The following MAGI3 variants were observed in gnomAD, a reference collection of about 807,000 sequenced individuals.
MAGI3 encodes the protein membrane-associated guanylate kinase, WW and PDZ domain-containing protein 3.
A neutral mutation model predicts 121.8 loss-of-function variants in MAGI3; 43 were observed. The ratio of observed to expected loss-of-function variants is 0.35; its 90% CI spans 0.28 to 0.46. The LOEUF (loss-of-function observed/expected upper bound fraction) is 0.46. Among genes scored for constraint, MAGI3 ranks in the 20% least tolerant of loss-of-function variants. MAGI3 has a pLI of 1.00. For missense variants in MAGI3, 1,547 were observed against 1,797.3 expected (o/e 0.86, Z 2.52); for synonymous variants, 553 against 639.3 (o/e 0.86, Z 2.04).
chr1:113,476,110 T>G (rs542443359), intron 1 of MAGI3, among the ~76,000 whole-genome samples: 3,714 of 152,246 alleles, frequency 0.024, 167 homozygotes, highest in African/African-American at 0.085. Context: ...TATTTGATTC[T>G]TTTTTTCTTT....
At chr1:113,557,486 A>G (rs1570857046) in intron 2 of MAGI3, among the ~76,000 whole-genome samples, 1 of 151,966 alleles carries the variant, frequency 6.6e-6, no homozygotes, top group East Asian at 1.9e-4. Context: ...TCCGCTCCTC[A>G]TCTCAGCTGA....
chr1:113,636,808 GT>G (rs1407537894), intron 9 of MAGI3, among the ~76,000 whole-genome samples: 2 of 152,030 alleles, frequency 1.3e-5, no homozygotes, highest in Admixed American at 6.5e-5. Flanking sequence ...TCGTTGATCT[GT>G]CTAATGTTGA....
At chr1:113,526,380 T>C (rs1246220694) in intron 1 of MAGI3, among the ~76,000 whole-genome samples, 3 of 152,192 alleles carry the variant, frequency 2.0e-5, no homozygotes, top group African/African-American at 4.8e-5. Flanking sequence ...TTAATGTAGG[T>C]ATAAAGGTAT....
At chr1:113,402,602 T>A (rs1651465437) in intron 1 of MAGI3, among the ~76,000 whole-genome samples, 1 of 152,050 alleles carries the variant, frequency 6.6e-6, no homozygotes, top group Admixed American at 6.6e-5. Context: ...TGATTTAGAG[T>A]CAGCTGTGCT....
intron 9 of MAGI3, among the ~76,000 whole-genome samples, chr1:113,629,113 G>GT (rs149074216): frequency 5.9e-4 from 88 of 149,832 alleles, no homozygotes; most frequent in South Asian, 1.5e-3. Flanking sequence ...CTTTATTCTT[G>GT]TTTTTTTTTG....
At chr1:113,474,726 C>CT (rs760637142) in intron 1 of MAGI3, among the ~76,000 whole-genome samples, 1 of 152,094 alleles carries the variant, frequency 6.6e-6, no homozygotes, top group Non-Finnish European at 1.5e-5. Context: ...ACTGTGGGCT[C>CT]TTTTTTGGTT....
intron 6 of MAGI3, among the ~76,000 whole-genome samples, chr1:113,600,921 C>G (rs1395441892): frequency 2.6e-5 from 4 of 152,270 alleles, no homozygotes; most frequent in Admixed American, 1.3e-4. Flanking sequence ...CGCCGCCTAT[C>G]TACAACTATC....
At chr1:113,434,493 C>T (rs1653465364) in intron 1 of MAGI3, among the ~76,000 whole-genome samples, 1 of 152,198 alleles carries the variant, frequency 6.6e-6, no homozygotes, top group African/African-American at 2.4e-5. Flanking sequence ...ACTTAGTAAG[C>T]ATTCCCTAAA....
chr1:113,496,739 AT>A (rs141163477), intron 1 of MAGI3, among the ~76,000 whole-genome samples: 3,527 of 152,266 alleles, frequency 0.023, 133 homozygotes, highest in African/African-American at 0.08. Context: ...AGTTTTCAGA[AT>A]TTTTGCTCAG....
intron 1 of MAGI3, among the ~76,000 whole-genome samples, chr1:113,416,418 AATTAATAAT>A (rs1170912104): frequency 8.6e-6 from 1 of 116,864 alleles, no homozygotes; most frequent in South Asian, 2.6e-4. Context: ...AATAATTAAT[AATTAATAAT>A]ATATATTAAT....
intron 1 of MAGI3, among the ~76,000 whole-genome samples, chr1:113,542,398 T>A (rs963003845): frequency 2.6e-5 from 4 of 152,178 alleles, no homozygotes; most frequent in African/African-American, 9.7e-5. Context: ...ACTCATTAAT[T>A]GTTTATGTCT....
At chr1:113,495,318 C>T (rs1557787946) in intron 1 of MAGI3, among the ~76,000 whole-genome samples, 1 of 151,216 alleles carries the variant, frequency 6.6e-6, no homozygotes, top group Non-Finnish European at 1.5e-5. Flanking sequence ...TTGTAGACTT[C>T]CAAAGAATGT....
chr1:113,534,392 A>T (rs1658867753), intron 1 of MAGI3, among the ~76,000 whole-genome samples: 1 of 152,152 alleles, frequency 6.6e-6, no homozygotes, highest in Admixed American at 6.6e-5. Flanking sequence ...CCTCCCGCCT[A>T]TCACTCTAGT....
At chr1:113,600,912 G>A (rs992395681) in intron 6 of MAGI3, among the ~76,000 whole-genome samples, 20 of 152,166 alleles carry the variant, frequency 1.3e-4, no homozygotes, top group African/African-American at 4.8e-4. Flanking sequence ...CAGAAATAGC[G>A]CCGCCTATCT....
At chr1:113,565,790 G>A (rs944737414) in intron 2 of MAGI3, among the ~76,000 whole-genome samples, 3 of 152,152 alleles carry the variant, frequency 2.0e-5, no homozygotes, top group Admixed American at 2.0e-4. Flanking sequence ...ATGGCCATGA[G>A]CACACACTTG....
intron 1 of MAGI3, among the ~76,000 whole-genome samples, chr1:113,510,803 T>C (rs1657576485): frequency 1.3e-5 from 2 of 152,328 alleles, no homozygotes; most frequent in South Asian, 4.1e-4. Flanking sequence ...TTAAGCCACA[T>C]TTAACTGCAT....
intron 2 of MAGI3, among the ~76,000 whole-genome samples, chr1:113,550,434 G>A (rs1659729363): frequency 6.6e-6 from 1 of 151,164 alleles, no homozygotes; most frequent in East Asian, 1.9e-4. Flanking sequence ...AAAGTAGAAA[G>A]TAGAAAAACT....
intron 12 of MAGI3, 152 bp downstream of exon 12, chr1:113,646,794 C>T (rs894991637): frequency 9.7e-5 from 56 of 577,860 alleles, no homozygotes; most frequent in East Asian, 2.8e-4. Context: ...CATGTATATT[C>T]GACATTCACA....
At chr1:113,461,791 A>G (rs1655050072) in intron 1 of MAGI3, among the ~76,000 whole-genome samples, 1 of 152,234 alleles carries the variant, frequency 6.6e-6, no homozygotes, top group Non-Finnish European at 1.5e-5. Context: ...CAGCCAATCT[A>G]CAGAATGGGA....
Sources: allele counts gnomAD v4.1 joint callset (sites outside exome capture counted in the v4.1 genomes callset), GRCh38; gene constraint gnomAD v4.1.1; transcripts MANE v1.5; gene names NCBI Gene and HGNC (gene_info 2026-07-23, HGNC 2026-07-21).